Variants in BTBD9 observed in about 807,000 individuals in gnomAD.
BTBD9 encodes BTB domain containing 9, also known as BTB/POZ domain-containing protein 9.
Under a neutral mutation model 64.3 loss-of-function variants are expected in BTBD9, and 49 were observed. That is an observed-to-expected ratio of 0.76 (90% CI 0.61 to 0.97). The LOEUF (loss-of-function observed/expected upper bound fraction) is 0.97. Among genes scored for constraint, BTBD9 ranks in the 50% least tolerant of loss-of-function variants. The probability of loss-of-function intolerance (pLI) is 0.00; values close to 1 mark genes in which losing one functional copy is unlikely to be tolerated. For synonymous variants in BTBD9, 260 were observed against 274.7 expected (o/e 0.95, Z 0.53); for missense variants, 598 against 762.1 (o/e 0.78, Z 2.53).
intron 7 of BTBD9, among the ~76,000 whole-genome samples, chr6:38,331,857 A>G (rs543144117): frequency 1.3e-5 from 2 of 152,132 alleles, no homozygotes; most frequent in African/African-American, 2.4e-5. Context: ...CCTCTCTTGG[A>G]AAAAAAAGCA....
Position 38,577,724 on chromosome 6 carries a change from G to A in BTBD9, c.1035-5C>T. 1 of 1,596,642 alleles carries A rather than the reference G, an allele frequency of 6.3e-7. No individual in the cohort carries two copies. The highest frequency in any genetic ancestry group is 1.8e-5 in the Admixed American group (1 of 56,692). On this transcript the variant is annotated splice_polypyrimidine_tract_variant and splice_region_variant and intron_variant, in intron 5 of 10. Transcript: ENST00000481247. ...TCAATGAAGTATGAGTAAGACCTGTGAATCAAAAGGAAAAAGCAGAAAAAA... is the reference window on the plus strand; with the variant it reads ...TCAATGAAGTATGAGTAAGACCTGTAAATCAAAAGGAAAAAGCAGAAAAAA...
At chr6:38,338,596 A>G (rs1763988004) in intron 7 of BTBD9, among the ~76,000 whole-genome samples, 1 of 152,166 alleles carries the variant, frequency 6.6e-6, no homozygotes, top group African/African-American at 2.4e-5. Flanking sequence ...CCTAGTTATT[A>G]TCTCTCAAGC....
intron 6 of BTBD9, among the ~76,000 whole-genome samples, chr6:38,383,293 T>A (rs1766015066): frequency 6.6e-6 from 1 of 152,206 alleles, no homozygotes; most frequent in Non-Finnish European, 1.5e-5. Flanking sequence ...AGTAAAAACA[T>A]TTGATAAATC....
At chr6:38,490,159 C>T (rs1460906642) in intron 6 of BTBD9, among the ~76,000 whole-genome samples, 1 of 152,188 alleles carries the variant, frequency 6.6e-6, no homozygotes. Context: ...AGTAGAAACG[C>T]TACCAGATGG....
intron 7 of BTBD9, among the ~76,000 whole-genome samples, chr6:38,309,813 T>A (rs1300455081): frequency 1.3e-5 from 2 of 152,174 alleles, no homozygotes; most frequent in Non-Finnish European, 2.9e-5. Context: ...ACATTAATAT[T>A]TCTTTAAAAT....
At chr6:38,234,435 C>T (rs1019294942) in intron 9 of BTBD9, among the ~76,000 whole-genome samples, 9 of 152,106 alleles carry the variant, frequency 5.9e-5, no homozygotes, top group Non-Finnish European at 8.8e-5. Context: ...AGGGTTGGCT[C>T]GACCCCACAT....
At chr6:38,405,536 C>T (rs1767123449) in intron 6 of BTBD9, among the ~76,000 whole-genome samples, 1 of 151,976 alleles carries the variant, frequency 6.6e-6, no homozygotes, top group Non-Finnish European at 1.5e-5. Context: ...TCCTCCAATA[C>T]TGAAGCTATA....
intron 6 of BTBD9, among the ~76,000 whole-genome samples, chr6:38,421,037 T>C (rs1421664439): frequency 5.3e-5 from 8 of 152,060 alleles, no homozygotes; most frequent in Non-Finnish European, 8.8e-5. Flanking sequence ...TTTTCTTTTA[T>C]GATGTCTTAA....
chr6:38,174,948 C>T lies in BTBD9; in HGVS notation c.*37G>A. On this transcript the variant is annotated 3_prime_UTR_variant, in exon 11 of 11. Coordinates refer to ENST00000481247, the MANE Select transcript of BTBD9 (RefSeq NM_001099272.2). ...GGAGGAGACCGTTTCCTGCCGTTGC[C>T]CGAGCCCACCAAGTCACACCAGGCC... 6.2e-7 allele frequency: 1 copy of T among 1,607,926 alleles called. No homozygotes were observed. Among genetic ancestry groups the T allele is most frequent in the Non-Finnish European group, 8.5e-7 (1 of 1,177,444 alleles).
chr6:38,298,115 A>C (rs1762230382), intron 7 of BTBD9, among the ~76,000 whole-genome samples: 1 of 151,864 alleles, frequency 6.6e-6, no homozygotes, highest in African/African-American at 2.4e-5. Context: ...TCGGCCTCCC[A>C]AAGTGCTGGC....
intron 1 of BTBD9, among the ~76,000 whole-genome samples, chr6:38,628,124 G>A (rs1180751901): frequency 6.6e-6 from 1 of 152,124 alleles, no homozygotes; most frequent in African/African-American, 2.4e-5. Flanking sequence ...AGAAGACATG[G>A]GAGTGACACT....
intron 6 of BTBD9, among the ~76,000 whole-genome samples, chr6:38,425,549 C>G (rs1024025359): frequency 6.6e-6 from 1 of 151,750 alleles, no homozygotes; most frequent in South Asian, 2.1e-4. Context: ...GTGTAAAGTA[C>G]ATATAGGGAG....
intron 1 of BTBD9, among the ~76,000 whole-genome samples, chr6:38,608,033 C>A (rs1419585091): frequency 6.6e-6 from 1 of 152,128 alleles, no homozygotes. Flanking sequence ...CAAAAACTTA[C>A]CAGATTTTCA....
In BTBD9 at chr6:38,171,479, C is replaced by T. The variant is rs1050025774; in HGVS notation, c.*3506G>A. ...TAAAGAGCAATTGAGAAGAGTCCCA[C>T]ATCCATCATGGCTTGTGCTTCTAAC... On this transcript the variant is annotated 3_prime_UTR_variant, in exon 11 of 11. Transcript: ENST00000481247. 6.6e-6 allele frequency: 1 copy of T among 151,924 alleles called. No homozygotes were observed. Among genetic ancestry groups the T allele is most frequent in the African/African-American group, 2.4e-5 (1 of 41,318 alleles). The allele number at this position is 151,924 out of a possible 1,614,324, so 9.4% of individuals were successfully genotyped here.
chr6:38,178,337 A>C (rs1761376485), intron 10 of BTBD9, among the ~76,000 whole-genome samples: 1 of 152,202 alleles, frequency 6.6e-6, no homozygotes, highest in Non-Finnish European at 1.5e-5. Context: ...ACCAACAGAG[A>C]CAGGATGAAC....
At chr6:38,373,826 C>A (rs144989500) in intron 6 of BTBD9, among the ~76,000 whole-genome samples, 1 of 152,238 alleles carries the variant, frequency 6.6e-6, no homozygotes, top group East Asian at 1.9e-4. Flanking sequence ...CCACCTCACC[C>A]AGCAAAACTT....
intron 6 of BTBD9, among the ~76,000 whole-genome samples, chr6:38,516,945 G>C (rs1773056035): frequency 6.6e-6 from 1 of 152,138 alleles, no homozygotes; most frequent in Admixed American, 6.5e-5. Flanking sequence ...AGTGAAAATT[G>C]TTCTCTTTAA....
intron 6 of BTBD9, among the ~76,000 whole-genome samples, chr6:38,486,803 C>T (rs914224572): frequency 6.6e-6 from 1 of 152,202 alleles, no homozygotes; most frequent in African/African-American, 2.4e-5. Flanking sequence ...GGCCAAAACA[C>T]TTGTTGAACA....
chr6:38,268,341 TCCCTGTTCCCTTGGA>T (rs1765085752), intron 8 of BTBD9, among the ~76,000 whole-genome samples: 1 of 152,204 alleles, frequency 6.6e-6, no homozygotes, highest in South Asian at 2.1e-4. Context: ...CCATGGCTCC[TCCCTGTTCCCTTGGA>T]TCAAGTTTTC....
Sources: allele counts gnomAD v4.1 joint callset (sites outside exome capture counted in the v4.1 genomes callset), GRCh38; gene constraint gnomAD v4.1.1; transcripts MANE v1.5; gene names NCBI Gene and HGNC (gene_info 2026-07-23, HGNC 2026-07-21).